The following VANGL2 variants were observed in gnomAD, a reference collection of about 807,000 sequenced individuals.
The protein encoded by VANGL2 is VANGL planar cell polarity protein 2, also known as vang-like protein 2.
A neutral mutation model predicts 50.2 loss-of-function variants in VANGL2; 14 were observed. The ratio of observed to expected loss-of-function variants is 0.28; its 90% confidence interval spans 0.18 to 0.44. The LOEUF is 0.44. VANGL2 is among the 20% of genes least tolerant of loss of function. VANGL2 has a pLI of 1.00. For synonymous variants in VANGL2, 295 were observed against 297.2 expected, an observed-to-expected ratio of 0.99 and a Z score of 0.08; for missense variants, 533 against 701.5, an observed-to-expected ratio of 0.76 and a Z score of 2.71.
At chr1:160,403,526 C>G (rs1298463204) in intron 1 of VANGL2, among the ~76,000 whole-genome samples, 1 of 152,194 alleles carries the variant, frequency 6.6e-6, no homozygotes, top group Admixed American at 6.5e-5. Context: ...AATATCCCCC[C>G]TTCCCTGGCC....
intron 1 of VANGL2, among the ~76,000 whole-genome samples, chr1:160,401,577 C>T (rs1314433358): frequency 6.6e-6 from 1 of 151,912 alleles, no homozygotes; most frequent in African/African-American, 2.4e-5. Flanking sequence ...GTGTGCACGC[C>T]TTGACGTGCT....
chr1:160,401,357 CA>C (rs1416005690), intron 1 of VANGL2, among the ~76,000 whole-genome samples: 15 of 150,676 alleles, frequency 1.0e-4, no homozygotes, highest in African/African-American at 3.4e-4. Flanking sequence ...AGAGTGGAGT[CA>C]GGGGGGCGGG....
At chr1:160,406,632 A>G (rs1650670244) in intron 1 of VANGL2, among the ~76,000 whole-genome samples, 1 of 152,024 alleles carries the variant, frequency 6.6e-6, no homozygotes, top group Non-Finnish European at 1.5e-5. Flanking sequence ...ACAGCCCCTA[A>G]CAATGTCCTT....
chr1:160,412,536 A>G (rs370328555), intron 1 of VANGL2, among the ~76,000 whole-genome samples: 1 of 152,162 alleles, frequency 6.6e-6, no homozygotes, highest in African/African-American at 2.4e-5. Context: ...GATGAGCCCA[A>G]CATATATTTT....
rs1651029517 is a variant in VANGL2 at position 160,415,723 on chromosome 1, C to A, written c.-115C>A. Reference sequence around the variant, plus strand: ...AGTCCCTCAGGGTGACAGTTGACTTCCTGAAGGTGCCTCTTGGCCTAAAGA... The same window carrying A: ...AGTCCCTCAGGGTGACAGTTGACTTACTGAAGGTGCCTCTTGGCCTAAAGA... On this transcript the variant is annotated 5_prime_UTR_variant, in exon 2 of 8. Transcript: ENST00000368061. 8.1e-7 allele frequency: 1 copy of A among 1,238,004 alleles called. No individual in the cohort carries two copies. The highest frequency in any genetic ancestry group is 1.2e-6 in the Non-Finnish European group (1 of 866,226). The allele number at this position is 1,238,004 out of a possible 1,614,324, so 76.7% of individuals were successfully genotyped here. A position where few individuals can be genotyped will look rare whatever the true frequency, so the allele number is the denominator to read the frequency against.
At position 160,424,263 on chromosome 1, in the gene VANGL2, A is replaced by G. The variant is rs763123792; in HGVS notation, c.1285A>G (p.Thr429Ala). The change falls in exon 7 of 8, where the codon ACG becomes GCG. Residue 429 changes from threonine to alanine, a missense_variant. Thr to Ala is a moderately conservative substitution (Grantham distance 58). Coordinates refer to ENST00000368061, the MANE Select transcript of VANGL2 (RefSeq NM_020335.3). ...CCTGCAGCACCTTGAATTCTGCATC[A>G]CGCATGACATGACGCCCAAGGTAGG... ...SILQHLEFCI[T>A]HDMTPKAFLE... The G allele has an allele frequency of 6.2e-7, 1 of 1,614,056 alleles. No individual in the cohort carries two copies.
chr1:160,412,172 C>T (rs936854678), intron 1 of VANGL2, among the ~76,000 whole-genome samples: 1 of 152,138 alleles, frequency 6.6e-6, no homozygotes, highest in African/African-American at 2.4e-5. Context: ...AGTCACACAG[C>T]TAGTCAGTGG....
At chr1:160,418,725 G>A (rs987184035) in intron 3 of VANGL2, among the ~76,000 whole-genome samples, 1 of 152,186 alleles carries the variant, frequency 6.6e-6, no homozygotes, top group African/African-American at 2.4e-5. Flanking sequence ...ATTGCCGCAT[G>A]TGTGGTTTTT....
At position 160,425,041 on chromosome 1, in the gene VANGL2, G is replaced by C; in HGVS notation, c.1306-77G>C. On this transcript the variant is annotated intron_variant, in intron 7 of 7. Transcript: ENST00000368061. ...GCTCAGGGACGTCCTTCTTGTCTTT[G>C]GAAACTATGACCTAGGGGATGAAGG... 3.1e-6 allele frequency: 5 copies of C among 1,609,040 alleles called. 1 individual carries two copies. In the East Asian group the frequency reaches 1.1e-4, roughly 36 times the overall value.
At chr1:160,402,718 A>G (rs1205385477) in intron 1 of VANGL2, among the ~76,000 whole-genome samples, 2 of 152,086 alleles carry the variant, frequency 1.3e-5, no homozygotes, top group East Asian at 1.9e-4. Context: ...ACTCATCATC[A>G]TGATAGTGTG....
At position 160,419,401 on chromosome 1, in the gene VANGL2, C is replaced by A. The variant is rs1472494141; in HGVS notation, c.592C>A (p.Leu198Ile). 17 of 1,612,406 alleles carry A rather than the reference C, an allele frequency of 1.1e-5. No individual in the cohort carries two copies. The highest frequency in any genetic ancestry group is 1.4e-5 in the Non-Finnish European group (16 of 1,180,012). Residue 198 changes from leucine (L) to isoleucine (I), a missense_variant, in exon 4 of 8, where the codon CTC (leucine) becomes ATC (isoleucine). Physicochemically the swap from Leu to Ile is conservative, Grantham distance 5. Transcript: ENST00000368061. The surrounding 1 kb of genome is among the most constrained non-coding windows in gnomAD (Gnocchi z 5.8). Reference sequence around the variant, plus strand: ...TTTCCTGCTCGTGGTCTCCTACTGGCTCTTCTATGGTGTGCGCATCCTGGA... The same window carrying A: ...TTTCCTGCTCGTGGTCTCCTACTGGATCTTCTATGGTGTGCGCATCCTGGA... ...LVFLLVVSYW[L>I]FYGVRILDAR...
At chr1:160,403,088 G>A (rs144185738) in intron 1 of VANGL2, among the ~76,000 whole-genome samples, 69 of 152,030 alleles carry the variant, frequency 4.5e-4, no homozygotes, top group African/African-American at 1.6e-3. Flanking sequence ...GTAGGGGTTA[G>A]AAAATGTTTG....
Position 160,419,619 on chromosome 1 carries a change from C to T in VANGL2, c.800+10C>T. 1.3e-6 allele frequency: 2 copies of T among 1,598,096 alleles called. No individual in the cohort carries two copies. The highest frequency in any genetic ancestry group is 2.2e-5 in the East Asian group (1 of 44,852). Reference sequence around the variant, plus strand: ...ACGTTGGCCATCTCAGGTACTAGCCCACGGCTGGAGAAGGGTTGGGAGGGA... The same window carrying T: ...ACGTTGGCCATCTCAGGTACTAGCCTACGGCTGGAGAAGGGTTGGGAGGGA... On this transcript the variant is annotated intron_variant, in intron 4 of 7. Coordinates refer to ENST00000368061, the MANE Select transcript of VANGL2 (RefSeq NM_020335.3). The surrounding 1 kb of genome is among the most constrained non-coding windows in gnomAD (Gnocchi z 5.8).
intron 1 of VANGL2, among the ~76,000 whole-genome samples, chr1:160,401,953 T>C (rs904958679): frequency 6.6e-6 from 1 of 152,076 alleles, no homozygotes; most frequent in Non-Finnish European, 1.5e-5. Context: ...TGAGTGTGTG[T>C]CGGGGGTACC....
At position 160,419,174 on chromosome 1, in the gene VANGL2, C is replaced by A. The variant is rs1182443634; in HGVS notation, c.365C>A (p.Thr122Lys). 1 of 1,613,868 alleles carries A rather than the reference C, an allele frequency of 6.2e-7. No homozygotes were observed. The highest frequency in any genetic ancestry group is 1.1e-5 in the South Asian group (1 of 91,086). Residue 122 changes from threonine (T) to lysine (K), a missense_variant, in exon 4 of 8, where the codon ACG (threonine) becomes AAG (lysine). Coordinates refer to ENST00000368061, the MANE Select transcript of VANGL2 (RefSeq NM_020335.3). This position sits in a 1 kb window ranked among gnomAD's most constrained non-coding sequence, Gnocchi z 5.8. Reference protein sequence around the residue: ...GATLALLSFLTPLAFLLLPPL... With the variant: ...GATLALLSFLKPLAFLLLPPL... Reference sequence around the variant, plus strand: ...ACCCTGGCACTGCTGTCTTTCCTCACGCCTCTGGCCTTCCTGCTGCTGCCC... The same window carrying A: ...ACCCTGGCACTGCTGTCTTTCCTCAAGCCTCTGGCCTTCCTGCTGCTGCCC...
intron 3 of VANGL2, 76 bp downstream of exon 3, chr1:160,416,258 G>C (rs527733915): frequency 3.7e-6 from 6 of 1,609,046 alleles, no homozygotes; most frequent in Admixed American, 1.7e-5. Context: ...TCCACGGAGT[G>C]GGGGAGGGCT....
chr1:160,422,782 G>A (rs933686533), intron 6 of VANGL2, among the ~76,000 whole-genome samples: 10 of 152,108 alleles, frequency 6.6e-5, no homozygotes, highest in African/African-American at 1.9e-4. Context: ...TCACTCCAGC[G>A]CCACATTTTA....
chr1:160,416,286 A>G, intron 3 of VANGL2, 104 bp downstream of exon 3: 1 of 1,588,626 alleles, frequency 6.3e-7, no homozygotes, highest in Non-Finnish European at 8.6e-7. Flanking sequence ...CTGGTCTCAG[A>G]CAGCCATCAG....
intron 1 of VANGL2, among the ~76,000 whole-genome samples, chr1:160,410,548 C>T (rs1350727810): frequency 3.3e-5 from 5 of 152,236 alleles, no homozygotes; most frequent in South Asian, 4.1e-4. Flanking sequence ...CCCCAGCACG[C>T]GCCACACATG....
Sources: allele counts gnomAD v4.1 joint callset (sites outside exome capture counted in the v4.1 genomes callset), GRCh38; gene constraint gnomAD v4.1.1; non-coding constraint Gnocchi (gnomAD v3.1); transcripts MANE v1.5; gene names NCBI Gene and HGNC (gene_info 2026-07-23, HGNC 2026-07-21).